Variants in RYR2 observed in about 807,000 individuals in gnomAD.
The protein encoded by RYR2 is cardiac muscle ryanodine receptor-calcium release channel.
In RYR2, 227 loss-of-function variants were observed where a neutral mutation model predicts 601.1. The ratio of observed to expected loss-of-function variants is 0.38; its 90% CI spans 0.34 to 0.42. The LOEUF is 0.42. Among genes scored for constraint, RYR2 ranks in the 10% least tolerant of loss-of-function variants. RYR2 has a pLI of 1.00. For synonymous variants in RYR2, 2,223 were observed against 2,175.1 expected (o/e 1.02, Z -0.61); for missense variants, 4,646 against 6,156.5 (o/e 0.75, Z 8.21).
At chr1:237,810,113 C>T (rs866946123) in intron 100 of RYR2, among the ~76,000 whole-genome samples, 7 of 151,766 alleles carry the variant, frequency 4.6e-5, no homozygotes, top group South Asian at 2.1e-4. Context: ...ACATGGAGAA[C>T]GGTCTGAGTA....
At chr1:237,197,004 A>G (rs1680645881) in intron 1 of RYR2, among the ~76,000 whole-genome samples, 1 of 152,128 alleles carries the variant, frequency 6.6e-6, no homozygotes, top group Admixed American at 6.5e-5. Flanking sequence ...TATATTCTTA[A>G]GTGTGTCATT....
chr1:237,709,131 A>G (rs1688616722), intron 69 of RYR2, 33 bp downstream of exon 69: 4 of 1,520,514 alleles, frequency 2.6e-6, no homozygotes, highest in Admixed American at 2.2e-5. Context: ...AATTTCTCCA[A>G]TTCGGTCATA....
intron 86 of RYR2, among the ~76,000 whole-genome samples, chr1:237,772,347 G>A (rs1156561202): frequency 6.6e-6 from 1 of 152,032 alleles, no homozygotes; most frequent in Admixed American, 6.6e-5. Context: ...TTTTTAGCTT[G>A]ATGGTATTTT....
chr1:237,523,107 TA>T (rs1196557700), intron 24 of RYR2, among the ~76,000 whole-genome samples: 1 of 152,212 alleles, frequency 6.6e-6, no homozygotes, highest in Admixed American at 6.5e-5. Context: ...GTAGTGTTAA[TA>T]AATATATTTT....
chr1:237,652,343 G>A (rs1682842707), intron 51 of RYR2, among the ~76,000 whole-genome samples: 1 of 152,060 alleles, frequency 6.6e-6, no homozygotes, highest in African/African-American at 2.4e-5. Context: ...AGTTGGGAAT[G>A]TTTTCTTGTC....
At chr1:237,566,864 T>C in intron 28 of RYR2, 89 bp downstream of exon 28, 1 of 1,332,024 alleles carries the variant, frequency 7.5e-7, no homozygotes. Flanking sequence ...ACAGTACCAG[T>C]GTTTCCCACA....
rs35563566 is a variant in RYR2, at chr1:237,801,833, AT to A, written c.14091-11del. 0.088 allele frequency: 111,905 copies of A among 1,272,622 alleles called. 1 individual carries two copies. Among genetic ancestry groups the A allele is most frequent in the Admixed American group, 0.1 (5,150 of 50,146 alleles). 78.8% of individuals were successfully genotyped at this position (1,272,622 alleles called of 1,614,324 possible). A position where few individuals can be genotyped will look rare whatever the true frequency, so the allele number is the denominator to read the frequency against. ...CTTTGGTTAATGTGCATAACTACGC[AT>A]TTTTTTTTTTTGTCATTGCAGACTG... is the stretch of plus-strand genomic sequence containing the variant. On this transcript the variant is annotated intron_variant, in intron 97 of 104. Transcript: ENST00000366574.
intron 61 of RYR2, among the ~76,000 whole-genome samples, chr1:237,679,094 T>G (rs866295645): frequency 6.6e-6 from 1 of 152,184 alleles, no homozygotes; most frequent in Non-Finnish European, 1.5e-5. Context: ...CCAAAGTTTG[T>G]CCTGGGGTGC....
chr1:237,779,711 A>G (rs1406662191), intron 88 of RYR2, among the ~76,000 whole-genome samples: 2 of 152,250 alleles, frequency 1.3e-5, no homozygotes, highest in Non-Finnish European at 2.9e-5. Flanking sequence ...TCTTAATGTC[A>G]AAGATAAACA....
Position 237,727,112 on chromosome 1 carries a change from A to T in RYR2, c.10751A>T (p.Lys3584Met). The change falls in exon 76 of 105, where the codon AAG becomes ATG. Residue 3584 changes from lysine to methionine, a missense_variant. This residue lies in a region of RYR2 where 1,497 missense variants were observed against 1,842.6 expected (regional missense o/e 0.81). Transcript: ENST00000366574. ...CLVEHPQRSK[K>M]AVWHKLLSKQ... ...GTGGAACATCCTCAGAGATCTAAAA[A>T]GGCTGTATGGCATAAACTACTGTCC... 6.3e-7 allele frequency: 1 copy of T among 1,597,594 alleles called. No individual in the cohort carries two copies. Among genetic ancestry groups the T allele is most frequent in the Non-Finnish European group, 8.6e-7 (1 of 1,165,298 alleles).
In RYR2 at chr1:237,493,189, C is replaced by T. The variant is rs190417439; in HGVS notation, c.1961+102C>T. 144 of 1,258,176 alleles carry T rather than the reference C, an allele frequency of 1.1e-4. No homozygotes were observed. In the East Asian group the frequency reaches 3.3e-3, roughly 28 times the overall value. The allele number at this position is 1,258,176 out of a possible 1,614,324, so 77.9% of individuals were successfully genotyped here. On this transcript the variant is annotated intron_variant, in intron 19 of 104. Coordinates refer to ENST00000366574, the MANE Select transcript of RYR2 (RefSeq NM_001035.3). ...ATATGGTCTGTTTTTTAAATTAGAC[C>T]ATATAGTATTATTTTCTGTATTTTT...
At position 237,127,762 on chromosome 1, in the gene RYR2, G is replaced by A. The variant is rs558148875; in HGVS notation, c.48+85193G>A. Among the ~76,000 whole-genome samples, 10 of 151,866 alleles carry A rather than the reference G, an allele frequency of 6.6e-5. No individual in the cohort carries two copies. The East Asian group carries it at 2.0e-3, about 30-fold the overall frequency. ...ATCCCAGACGGGGCGGCGGGGCAGAGGCGCTCCTCACATCCCAGACAATGG... is the reference window on the plus strand; with the variant it reads ...ATCCCAGACGGGGCGGCGGGGCAGAAGCGCTCCTCACATCCCAGACAATGG... On this transcript the variant is annotated intron_variant, in intron 1 of 104. Transcript: ENST00000366574.
In RYR2 at chr1:237,264,091, GCACACACA is replaced by G. The variant is rs34623856; in HGVS notation, c.49-6387_49-6380del. Among the ~76,000 whole-genome samples the G allele has an allele frequency of 2.0e-3, 293 of 147,512 alleles. 1 individual carries two copies. The highest frequency in any genetic ancestry group is 6.9e-3 in the African/African-American group (276 of 40,006). ...TAAATGTACAAACACACATGCACAT[GCACACACA>G]CACACACACACACACACAGGTGCAT... On this transcript the variant is annotated intron_variant, in intron 1 of 104. Coordinates refer to ENST00000366574, the MANE Select transcript of RYR2 (RefSeq NM_001035.3).
chr1:237,640,140 G>GGGT (rs1286379412), intron 46 of RYR2, among the ~76,000 whole-genome samples: 4 of 152,100 alleles, frequency 2.6e-5, no homozygotes, highest in African/African-American at 4.8e-5. Flanking sequence ...ACACTAGCAA[G>GGGT]GGTACACCTG....
intron 6 of RYR2, among the ~76,000 whole-genome samples, chr1:237,373,124 AAAAT>A (rs1700770236): frequency 6.6e-6 from 1 of 152,242 alleles, no homozygotes; most frequent in South Asian, 2.1e-4. Context: ...ACCTTTTTAA[AAAAT>A]AAAGGCAGAT....
intron 1 of RYR2, among the ~76,000 whole-genome samples, chr1:237,069,829 GTTT>G (rs1664084887): frequency 6.6e-6 from 1 of 152,042 alleles, no homozygotes; most frequent in South Asian, 2.1e-4. Context: ...CGTTAATACT[GTTT>G]TTCCCTAACA....
intron 96 of RYR2, among the ~76,000 whole-genome samples, chr1:237,796,276 A>G (rs1257251505): frequency 2.0e-5 from 3 of 152,126 alleles, no homozygotes; most frequent in Admixed American, 6.5e-5. Context: ...TTAAAGCAAG[A>G]GTTTCTTGCT....
chr1:237,661,239 C>T (rs1207419961), intron 56 of RYR2, among the ~76,000 whole-genome samples: 1 of 151,764 alleles, frequency 6.6e-6, no homozygotes, highest in African/African-American at 2.4e-5. Context: ...AGCAAACTAA[C>T]ACAGGAACAG....
chr1:237,366,443 C>T lies in RYR2; in HGVS notation c.309+2071C>T, dbSNP rs190331524. Reference sequence around the variant, plus strand: ...AAGAGACAGGGTTTTGCTCTGTTGCCCAGGCTGGAGTACAGTGGCATGAAC... The same window carrying T: ...AAGAGACAGGGTTTTGCTCTGTTGCTCAGGCTGGAGTACAGTGGCATGAAC... On this transcript the variant is annotated intron_variant, in intron 5 of 104. Transcript: ENST00000366574. 1.1e-3 allele frequency among the ~76,000 whole-genome samples: 164 copies of T among 152,058 alleles called. 1 individual carries two copies. The highest frequency in any genetic ancestry group is 3.8e-3 in the African/African-American group (159 of 41,480).
Sources: gnomAD v4.1 joint callset for allele counts (sites outside exome capture counted in the v4.1 genomes callset) on GRCh38, gnomAD v4.1.1 for gene constraint, gnomAD v4.1.1 regional missense constraint, MANE v1.5 for transcripts, NCBI Gene and HGNC (gene_info 2026-07-23, HGNC 2026-07-21) for gene names.